Variants in C3orf33 observed in about 807,000 individuals in gnomAD.
C3orf33 encodes the protein mitochondrial inner membrane subdomain organizer 1.
In C3orf33, 23 loss-of-function variants were observed where a neutral mutation model predicts 28.7. The observed-to-expected ratio is 0.80, with a 90% CI of 0.58 to 1.13. The LOEUF is 1.13. C3orf33 is among the 50% of genes most tolerant of loss of function. The pLI is 0.00. For synonymous variants in C3orf33, 119 were observed against 120.5 expected (o/e 0.99, Z 0.08); for missense variants, 327 against 353.4 (o/e 0.93, Z 0.60).
At chr3:155,776,098 C>T (rs895386408) in intron 2 of C3orf33, among the ~76,000 whole-genome samples, 2 of 152,146 alleles carry the variant, frequency 1.3e-5, no homozygotes, top group Admixed American at 1.3e-4. Flanking sequence ...CTTCTAAAAG[C>T]TTATAACCTC....
intron 3 of C3orf33, among the ~76,000 whole-genome samples, chr3:155,768,977 A>G (rs907962997): frequency 1.3e-5 from 2 of 152,172 alleles, no homozygotes; most frequent in African/African-American, 4.8e-5. Context: ...GGAGTTCAAG[A>G]TCAGTCTGGC....
At chr3:155,793,022 A>C (rs1462806917) in intron 2 of C3orf33, among the ~76,000 whole-genome samples, 2 of 152,180 alleles carry the variant, frequency 1.3e-5, no homozygotes, top group Non-Finnish European at 2.9e-5. Flanking sequence ...GATCACTACA[A>C]CACAGTTAAT....
At chr3:155,781,800 G>T (rs531845490) in intron 2 of C3orf33, among the ~76,000 whole-genome samples, 1 of 149,610 alleles carries the variant, frequency 6.7e-6, no homozygotes, top group Non-Finnish European at 1.5e-5. Flanking sequence ...ATAGTGGGCC[G>T]GGTGCGGTGG....
intron 2 of C3orf33, among the ~76,000 whole-genome samples, chr3:155,797,786 A>G (rs543445081): frequency 6.6e-6 from 1 of 152,302 alleles, no homozygotes; most frequent in Non-Finnish European, 1.5e-5. Flanking sequence ...ACTATAATAC[A>G]CTGGCTGGGC....
intron 2 of C3orf33, among the ~76,000 whole-genome samples, chr3:155,793,257 A>G (rs763904199): frequency 6.6e-6 from 1 of 151,846 alleles, no homozygotes; most frequent in Non-Finnish European, 1.5e-5. Context: ...CTAACAAAAT[A>G]GTATAGCCAG....
At chr3:155,782,103 C>G (rs927013184) in intron 2 of C3orf33, among the ~76,000 whole-genome samples, 5 of 149,566 alleles carry the variant, frequency 3.3e-5, no homozygotes, top group Admixed American at 2.7e-4. Flanking sequence ...CCCAGCTACT[C>G]AGCAGGCTGA....
intron 3 of C3orf33, among the ~76,000 whole-genome samples, chr3:155,771,966 G>A (rs1035139936): frequency 2.6e-5 from 4 of 152,130 alleles, no homozygotes; most frequent in African/African-American, 7.2e-5. Context: ...CACTTTGGAA[G>A]GTAGAGGTGG....
Position 155,763,424 on chromosome 3 carries a change from T to C in C3orf33, c.*93A>G, listed in dbSNP as rs565670305. The C allele has an allele frequency of 6.2e-5, 56 of 910,256 alleles. No individual in the cohort carries two copies. The South Asian group carries it at 1.3e-3, about 21-fold the overall frequency. The allele number at this position is 910,256 out of a possible 1,614,324, so 56.4% of individuals were successfully genotyped here. ...CCATTGGACTAACACTTTGATCATT[T>C]GGCAAAACTTCCATTTTGATTCAAT... is the stretch of plus-strand genomic sequence containing the variant. On this transcript the variant is annotated 3_prime_UTR_variant, in exon 5 of 5. Coordinates refer to ENST00000340171, the MANE Select transcript of C3orf33 (RefSeq NM_001308229.2).
chr3:155,781,538 G>C (rs1207304477), intron 2 of C3orf33, among the ~76,000 whole-genome samples: 1 of 151,990 alleles, frequency 6.6e-6, no homozygotes, highest in Non-Finnish European at 1.5e-5. Flanking sequence ...GGGAGGCCAA[G>C]GCAGGCAGAT....
At position 155,793,829 on chromosome 3, in the gene C3orf33, T is replaced by TAAAAAAAAAAAAAA. The variant is rs1751391618; in HGVS notation, c.174+8702_174+8703insTTTTTTTTTTTTTT. ...TGACTCAAAAAAAAAAAAAAAAAAC[T>TAAAAAAAAAAAAAA]AAAAAAACTAAAAAAACTAAAACAG... On this transcript the variant is annotated intron_variant, in intron 2 of 4. Transcript: ENST00000340171. 1.9e-3 allele frequency among the ~76,000 whole-genome samples: 157 copies of TAAAAAAAAAAAAAA among 84,610 alleles called. 39 individuals carry two copies. The highest frequency in any genetic ancestry group is 2.7e-3 in the Non-Finnish European group (113 of 41,652). 55.5% of individuals were successfully genotyped at this position (84,610 alleles called of 152,430 possible).
At chr3:155,794,926 C>T (rs1399300958) in intron 2 of C3orf33, among the ~76,000 whole-genome samples, 1 of 152,040 alleles carries the variant, frequency 6.6e-6, no homozygotes, top group Non-Finnish European at 1.5e-5. Flanking sequence ...AATATTAGAG[C>T]TAGAGCTAAA....
At chr3:155,785,059 C>T (rs1180313331) in intron 2 of C3orf33, among the ~76,000 whole-genome samples, 1 of 151,448 alleles carries the variant, frequency 6.6e-6, no homozygotes, top group Non-Finnish European at 1.5e-5. Context: ...AATAACCAAA[C>T]AAGAGCAGGG....
intron 2 of C3orf33, among the ~76,000 whole-genome samples, chr3:155,798,785 T>A (rs1346812282): frequency 6.6e-6 from 1 of 152,052 alleles, no homozygotes; most frequent in Non-Finnish European, 1.5e-5. Flanking sequence ...CATATCAAGT[T>A]AAAAAGCTTC....
At position 155,767,547 on chromosome 3, in the gene C3orf33, C is replaced by G. The variant is rs748550366; in HGVS notation, c.445G>C (p.Glu149Gln). The G allele has an allele frequency of 1.5e-5, 24 of 1,589,324 alleles. No homozygotes were observed. Among genetic ancestry groups the G allele is most frequent in the Non-Finnish European group, 1.9e-5 (22 of 1,165,076 alleles). Residue 149 changes from glutamate to glutamine, a missense_variant, in exon 4 of 5, where the codon GAG becomes CAG. Transcript: ENST00000340171. ...AGATAGCAAAAGAGTGCTGAATTCTCCTTTCCAAGAAGTTGGAACCATAGT... is the reference window on the plus strand; with the variant it reads ...AGATAGCAAAAGAGTGCTGAATTCTGCTTTCCAAGAAGTTGGAACCATAGT... ...QLLWFQLLGK[E>Q]NSALFCYLLV...
At chr3:155,799,035 C>T (rs1367843572) in intron 2 of C3orf33, among the ~76,000 whole-genome samples, 1 of 152,198 alleles carries the variant, frequency 6.6e-6, no homozygotes, top group African/African-American at 2.4e-5. Context: ...CTCAACATCA[C>T]TGATCATCAG....
intron 3 of C3orf33, among the ~76,000 whole-genome samples, chr3:155,768,257 T>C (rs1286521524): frequency 1.3e-5 from 2 of 152,196 alleles, no homozygotes; most frequent in African/African-American, 4.8e-5. Context: ...CAACCTCCCA[T>C]GCTTATTTTT....
At chr3:155,782,181 A>G (rs79705141) in intron 2 of C3orf33, among the ~76,000 whole-genome samples, 2 of 151,914 alleles carry the variant, frequency 1.3e-5, no homozygotes, top group Non-Finnish European at 2.9e-5. Context: ...AAAAAAAAAA[A>G]AGATAAATTA....
At chr3:155,789,550 T>C (rs571349541) in intron 2 of C3orf33, among the ~76,000 whole-genome samples, 3 of 152,092 alleles carry the variant, frequency 2.0e-5, no homozygotes, top group Non-Finnish European at 4.4e-5. Flanking sequence ...CACAAAGTTA[T>C]CTATAGATTC....
intron 2 of C3orf33, among the ~76,000 whole-genome samples, chr3:155,778,141 CAAAAAAAAAA>C (rs55700532): frequency 1.7e-4 from 13 of 75,768 alleles, no homozygotes; most frequent in East Asian, 9.4e-4. Context: ...AACTCCATTT[CAAAAAAAAAA>C]AAAAAAAAAA....
Sources: allele counts gnomAD v4.1 joint callset (sites outside exome capture counted in the v4.1 genomes callset), GRCh38; gene constraint gnomAD v4.1.1; transcripts MANE v1.5; gene names NCBI Gene and HGNC (gene_info 2026-07-23, HGNC 2026-07-21).